PRLR: variants seen among roughly 807,000 people sequenced by gnomAD.
The protein encoded by PRLR is prolactin receptor.
A neutral mutation model predicts 40.2 loss-of-function variants in PRLR; 13 were observed. That is an observed-to-expected ratio of 0.32 (90% CI 0.21 to 0.51). The LOEUF is 0.51. Among genes scored for constraint, PRLR ranks in the 20% least tolerant of loss-of-function variants. PRLR has a pLI of 0.97. For synonymous variants in PRLR, 269 were observed against 278.7 expected (o/e 0.97, Z 0.35); for missense variants, 656 against 747.3 (o/e 0.88, Z 1.42).
intron 5 of PRLR, among the ~76,000 whole-genome samples, chr5:35,075,621 G>C (rs1286467855): frequency 6.6e-6 from 1 of 152,212 alleles, no homozygotes; most frequent in Non-Finnish European, 1.5e-5. Flanking sequence ...CCAGAGAATA[G>C]CTGAACAAAA....
At chr5:35,138,531 T>C (rs931088447) in intron 1 of PRLR, among the ~76,000 whole-genome samples, 3 of 152,332 alleles carry the variant, frequency 2.0e-5, no homozygotes, top group Non-Finnish European at 4.4e-5. Context: ...ATGATGCACA[T>C]TTTGGTTTCA....
intron 5 of PRLR, among the ~76,000 whole-genome samples, chr5:35,080,133 G>A (rs1317012205): frequency 6.6e-6 from 1 of 152,086 alleles, no homozygotes; most frequent in Non-Finnish European, 1.5e-5. Context: ...GCATGGGCAA[G>A]GACTTCATGA....
chr5:35,198,643 C>T (rs2111598133), intron 1 of PRLR, among the ~76,000 whole-genome samples: 1 of 152,338 alleles, frequency 6.6e-6, no homozygotes, highest in South Asian at 2.1e-4. Flanking sequence ...GTAGGAGATA[C>T]CAATCTTCTA....
At chr5:35,117,442 T>C (rs1045624638) in intron 2 of PRLR, among the ~76,000 whole-genome samples, 1 of 152,188 alleles carries the variant, frequency 6.6e-6, no homozygotes, top group African/African-American at 2.4e-5. Flanking sequence ...TTGCCTGTAG[T>C]GTAGACAGAG....
chr5:35,186,024 T>C (rs1775418575), intron 1 of PRLR, among the ~76,000 whole-genome samples: 1 of 152,128 alleles, frequency 6.6e-6, no homozygotes, highest in Non-Finnish European at 1.5e-5. Context: ...AGTCGCCATA[T>C]ATGGATCTAC....
At chr5:35,178,501 C>T (rs1332283311) in intron 1 of PRLR, among the ~76,000 whole-genome samples, 1 of 152,084 alleles carries the variant, frequency 6.6e-6, no homozygotes, top group African/African-American at 2.4e-5. Context: ...CCTATAGAAA[C>T]ATTATAGGGA....
intron 1 of PRLR, among the ~76,000 whole-genome samples, chr5:35,133,966 T>A (rs1222144391): frequency 6.6e-6 from 1 of 152,084 alleles, no homozygotes; most frequent in Admixed American, 6.5e-5. Context: ...CTCTCACTCA[T>A]AAGTGGGAGC....
chr5:35,073,041 A>T (rs1769853886), intron 5 of PRLR, among the ~76,000 whole-genome samples: 1 of 152,186 alleles, frequency 6.6e-6, no homozygotes, highest in Admixed American at 6.5e-5. Context: ...TTTCATGATG[A>T]CAGAGACCAG....
exon 9 of PRLR, chr5:35,049,311 C>T (rs1169764986): frequency 2.8e-6 from 2 of 703,206 alleles, no homozygotes; most frequent in Non-Finnish European, 5.2e-6. Flanking sequence ...TCAATGTTGC[C>T]TTTGTGAACA....
intron 9 of PRLR, among the ~76,000 whole-genome samples, chr5:35,066,988 C>T (rs1393749071): frequency 2.0e-5 from 3 of 152,098 alleles, no homozygotes; most frequent in African/African-American, 7.2e-5. Context: ...TGGTCTTGAT[C>T]TCCTGACCTC....
chr5:35,215,875 A>G (rs138178527), intron 1 of PRLR, among the ~76,000 whole-genome samples: 25,851 of 148,752 alleles, frequency 0.17, 2,724 homozygotes, highest in Non-Finnish European at 0.26. Context: ...CTAAAAAAAA[A>G]AAAAAAAAAA....
chr5:35,228,240 A>G (rs1168465649), intron 1 of PRLR, among the ~76,000 whole-genome samples: 3 of 132,818 alleles, frequency 2.3e-5, no homozygotes, highest in Non-Finnish European at 1.7e-5. Context: ...TGCAAAAAAA[A>G]AAAAAAAAAA....
chr5:35,105,876 C>T lies in PRLR; in HGVS notation c.-44+12185G>A, dbSNP rs551041942. Among the ~76,000 whole-genome samples the T allele has an allele frequency of 1.2e-4, 18 of 152,212 alleles. No homozygotes were observed. In the South Asian group the frequency reaches 2.5e-3, roughly 21 times the overall value. On this transcript the variant is annotated intron_variant, in intron 2 of 9. Coordinates refer to ENST00000618457, the MANE Select transcript of PRLR (RefSeq NM_000949.7). Reference sequence around the variant, plus strand: ...ATTCAAATTCAGGAAATACAGAGAACGCCACAAAGATACTCCTCGAGAAGA... The same window carrying T: ...ATTCAAATTCAGGAAATACAGAGAATGCCACAAAGATACTCCTCGAGAAGA...
rs569774900 is a variant in PRLR at position 35,058,805 on chromosome 5, A to C, written c.*6284T>G. 3.3e-5 allele frequency: 5 copies of C among 151,170 alleles called. No individual in the cohort carries two copies. The highest frequency in any genetic ancestry group is 7.3e-5 in the Non-Finnish European group (5 of 68,034). The allele number at this position is 151,170 out of a possible 1,614,324, so 9.4% of individuals were successfully genotyped here. On this transcript the variant is annotated 3_prime_UTR_variant, in exon 10 of 10. Transcript: ENST00000618457. ...GCAATATAGTACAAAATAATGTAAC[A>C]GTTACTGTAAAGTCAGTAATGCCAC...
chr5:35,093,298 T>C (rs1307458154), intron 2 of PRLR, among the ~76,000 whole-genome samples: 1 of 152,046 alleles, frequency 6.6e-6, no homozygotes, highest in East Asian at 1.9e-4. Flanking sequence ...AGATCTGAGC[T>C]CCCAACATAC....
At chr5:35,102,511 C>CTCTCCTCTCG (rs1771961237) in intron 2 of PRLR, among the ~76,000 whole-genome samples, 1 of 127,448 alleles carries the variant, frequency 7.8e-6, no homozygotes, top group Non-Finnish European at 1.6e-5. Context: ...CTCTCCTCTC[C>CTCTCCTCTCG]TCTCCTCTCC....
At chr5:35,074,239 T>C (rs1314296692) in intron 5 of PRLR, among the ~76,000 whole-genome samples, 1 of 152,050 alleles carries the variant, frequency 6.6e-6, no homozygotes, top group Non-Finnish European at 1.5e-5. Context: ...GGCAGGTGGA[T>C]CACCTGAGGT....
At chr5:35,134,137 C>G (rs951946104) in intron 1 of PRLR, among the ~76,000 whole-genome samples, 2 of 151,970 alleles carry the variant, frequency 1.3e-5, no homozygotes, top group Admixed American at 6.6e-5. Context: ...CACTAAAGAA[C>G]TTAGGTAACC....
At chr5:35,121,083 T>C (rs1273983134) in intron 1 of PRLR, among the ~76,000 whole-genome samples, 1 of 152,142 alleles carries the variant, frequency 6.6e-6, no homozygotes, top group Non-Finnish European at 1.5e-5. Flanking sequence ...AAGGCAGAAG[T>C]TTGATCAATG....
Sources: allele counts gnomAD v4.1 joint callset (sites outside exome capture counted in the v4.1 genomes callset), GRCh38; gene constraint gnomAD v4.1.1; transcripts MANE v1.5; gene names NCBI Gene and HGNC (gene_info 2026-07-23, HGNC 2026-07-21).